The following PPP2R2C variants were observed in gnomAD, a reference collection of about 807,000 sequenced individuals.
PPP2R2C encodes protein phosphatase 2 regulatory subunit Bgamma, also known as protein phosphatase 2, regulatory subunit B, gamma.
In PPP2R2C, 10 loss-of-function variants were observed where a neutral mutation model predicts 45.3. The observed-to-expected ratio is 0.22, with a 90% CI of 0.14 to 0.37. The LOEUF (loss-of-function observed/expected upper bound fraction) is 0.37, where lower values mean the gene tolerates loss of function less well. Among genes scored for constraint, PPP2R2C ranks in the 10% least tolerant of loss-of-function variants. PPP2R2C has a pLI of 1.00. For synonymous variants in PPP2R2C, 257 were observed against 245.4 expected (o/e 1.05, Z -0.44); for missense variants, 308 against 619.7 (o/e 0.50, Z 5.34).
intron 1 of PPP2R2C, chr4:6,382,095 T>G: frequency 1.5e-6 from 2 of 1,345,646 alleles, no homozygotes; most frequent in Non-Finnish European, 1.9e-6. Flanking sequence ...AAATGATTAT[T>G]ACTTTTAATT....
At chr4:6,334,938 C>T (rs1403563488) in intron 6 of PPP2R2C, among the ~76,000 whole-genome samples, 2 of 152,192 alleles carry the variant, frequency 1.3e-5, no homozygotes, top group Non-Finnish European at 2.9e-5. Flanking sequence ...CCCCTTATCC[C>T]CTCATGGGAA....
At chr4:6,375,083 T>C (rs568110662) in intron 4 of PPP2R2C, among the ~76,000 whole-genome samples, 73 of 152,198 alleles carry the variant, frequency 4.8e-4, no homozygotes, top group Non-Finnish European at 5.4e-4. Context: ...GATCGCTGTA[T>C]CCTTCCCTCT....
chr4:6,430,532 A>AGTGCATGCCTCCTCG (rs565431721), intron 1 of PPP2R2C, among the ~76,000 whole-genome samples: 5 of 152,266 alleles, frequency 3.3e-5, no homozygotes, highest in Admixed American at 2.0e-4. Flanking sequence ...CTCAGAGGAG[A>AGTGCATGCCTCCTCG]GTGCACGCCT....
intron 1 of PPP2R2C, among the ~76,000 whole-genome samples, chr4:6,406,875 T>C (rs895565384): frequency 3.3e-5 from 5 of 152,146 alleles, no homozygotes; most frequent in African/African-American, 1.2e-4. Flanking sequence ...AAGACATAAT[T>C]AAGGATTCTG....
Position 6,527,508 on chromosome 4 carries a change from G to A in PPP2R2C, c.49+7763C>T, listed in dbSNP as rs117541348. On this transcript the variant is annotated intron_variant, in intron 2 of 9. Coordinates refer to the PPP2R2C transcript ENST00000506140. ...ACCTGCCAAGTGCCCCAACCAACAT[G>A]TGCCATGAGAATACCATGAGAACAC... is the stretch of plus-strand genomic sequence containing the variant. Among the ~76,000 whole-genome samples, 353 of 96,306 alleles carry A rather than the reference G, an allele frequency of 3.7e-3. 7 individuals carry two copies. In the East Asian group the frequency reaches 0.1, roughly 28 times the overall value. 63.2% of individuals were successfully genotyped at this position (96,306 alleles called of 152,430 possible).
chr4:6,493,265 G>A (rs147774448), intron 2 of PPP2R2C, among the ~76,000 whole-genome samples: 255 of 151,812 alleles, frequency 1.7e-3, no homozygotes, highest in African/African-American at 6.1e-3. Context: ...ACCCCTCCTG[G>A]TCCCCCTTTC....
At chr4:6,350,571 G>A (rs1712454809) in intron 5 of PPP2R2C, 4 of 985,318 alleles carry the variant, frequency 4.1e-6, no homozygotes, top group Non-Finnish European at 4.8e-6. Context: ...TATTTCCTGG[G>A]GTTATAACTC....
intron 1 of PPP2R2C, among the ~76,000 whole-genome samples, chr4:6,427,182 C>A (rs1044846976): frequency 5.3e-5 from 8 of 152,354 alleles, no homozygotes; most frequent in Admixed American, 2.0e-4. Context: ...GCTGGGGGCC[C>A]CACTGTATGC....
intron 1 of PPP2R2C, among the ~76,000 whole-genome samples, chr4:6,547,422 C>T (rs1378430884): frequency 1.3e-5 from 2 of 151,918 alleles, no homozygotes; most frequent in Non-Finnish European, 2.9e-5. Flanking sequence ...TTCTCGCCCT[C>T]GACCTCACTG....
At chr4:6,338,264 C>G (rs988038107) in intron 6 of PPP2R2C, among the ~76,000 whole-genome samples, 2 of 152,188 alleles carry the variant, frequency 1.3e-5, no homozygotes, top group Non-Finnish European at 2.9e-5. Context: ...CTCAATCAGC[C>G]GAAATCTCCA....
chr4:6,468,074 T>C (rs1455989412), intron 1 of PPP2R2C, among the ~76,000 whole-genome samples: 1 of 152,178 alleles, frequency 6.6e-6, no homozygotes, highest in Admixed American at 6.5e-5. Flanking sequence ...AGGAACCATA[T>C]GTGTTCTCCT....
chr4:6,416,236 T>C (rs1317568829), intron 1 of PPP2R2C, among the ~76,000 whole-genome samples: 1 of 107,580 alleles, frequency 9.3e-6, no homozygotes, highest in Non-Finnish European at 2.1e-5. Context: ...CTGGGGTGGC[T>C]TCCTTAGGTG....
chr4:6,438,390 G>A (rs554866662), intron 1 of PPP2R2C, among the ~76,000 whole-genome samples: 1 of 152,324 alleles, frequency 6.6e-6, no homozygotes, highest in South Asian at 2.1e-4. Context: ...CAAGAGAATA[G>A]ACTCATTCCC....
intron 2 of PPP2R2C, chr4:6,380,299 A>G (rs1280495604): frequency 6.6e-6 from 1 of 152,388 alleles, no homozygotes; most frequent in East Asian, 1.9e-4. Flanking sequence ...AAGTGTTCTC[A>G]GTAAATGGGC....
rs796745094 is a variant in PPP2R2C at position 6,324,116 on chromosome 4, T to C, written c.1053-523A>G. 3.3e-5 allele frequency among the ~76,000 whole-genome samples: 5 copies of C among 152,116 alleles called. No homozygotes were observed. The highest frequency in any genetic ancestry group is 1.2e-4 in the African/African-American group (5 of 41,502). On this transcript the variant is annotated intron_variant, in intron 8 of 8. Transcript: ENST00000382599. This position sits in a 1 kb window ranked among gnomAD's most constrained non-coding sequence, Gnocchi z 4.1. Reference sequence around the variant, plus strand: ...GGGCCAGGAGCTAAGATCCTTTTTATCCTCTGCCCCAATCATCATGAAAAT... The same window carrying C: ...GGGCCAGGAGCTAAGATCCTTTTTACCCTCTGCCCCAATCATCATGAAAAT...
At chr4:6,531,223 G>C (rs1560606062) in intron 2 of PPP2R2C, among the ~76,000 whole-genome samples, 1 of 152,178 alleles carries the variant, frequency 6.6e-6, no homozygotes, top group South Asian at 2.1e-4. Context: ...TCAGTCCCTC[G>C]AGGAAGCACC....
intron 1 of PPP2R2C, among the ~76,000 whole-genome samples, chr4:6,438,572 A>T (rs1426757944): frequency 1.3e-5 from 2 of 152,180 alleles, no homozygotes; most frequent in Non-Finnish European, 2.9e-5. Context: ...TGTTTCTTTA[A>T]CAGGAATTAA....
intron 1 of PPP2R2C, among the ~76,000 whole-genome samples, chr4:6,544,500 G>A (rs1724911758): frequency 6.6e-6 from 1 of 151,914 alleles, no homozygotes; most frequent in African/African-American, 2.4e-5. Context: ...GGGCCACCAT[G>A]CCCAGCTAAT....
At chr4:6,485,557 G>T (rs976035661) in intron 2 of PPP2R2C, among the ~76,000 whole-genome samples, 1 of 151,822 alleles carries the variant, frequency 6.6e-6, no homozygotes, top group African/African-American at 2.4e-5. Flanking sequence ...ATAGTTATAG[G>T]ACTACTCAGG....
Sources: allele counts gnomAD v4.1 joint callset (sites outside exome capture counted in the v4.1 genomes callset), GRCh38; gene constraint gnomAD v4.1.1; non-coding constraint Gnocchi (gnomAD v3.1); transcripts MANE v1.5; gene names NCBI Gene and HGNC (gene_info 2026-07-23, HGNC 2026-07-21).